UNC5D: variants seen among roughly 807,000 people sequenced by gnomAD.
UNC5D encodes netrin receptor UNC5D.
A neutral mutation model predicts 105.4 loss-of-function variants in UNC5D; 39 were observed. The observed-to-expected ratio is 0.37, with a 90% CI of 0.29 to 0.48. The LOEUF is 0.48. UNC5D is among the 20% of genes least tolerant of loss of function. The pLI is 0.98. For missense variants in UNC5D, 991 were observed against 1,202.4 expected, an observed-to-expected ratio of 0.82 and a Z score of 2.60; for synonymous variants, 452 against 450.4, an observed-to-expected ratio of 1.00 and a Z score of -0.04.
At chr8:35,698,427 G>A (rs1826945765) in intron 7 of UNC5D, among the ~76,000 whole-genome samples, 1 of 151,874 alleles carries the variant, frequency 6.6e-6, no homozygotes, top group African/African-American at 2.4e-5. Flanking sequence ...CTCCATCCCA[G>A]CCTCAGCCCT....
intron 14 of UNC5D, among the ~76,000 whole-genome samples, chr8:35,764,572 G>T (rs1393572233): frequency 6.6e-6 from 1 of 152,192 alleles, no homozygotes; most frequent in Non-Finnish European, 1.5e-5. Context: ...TAGAGAAAAT[G>T]ACTTACTGTA....
At chr8:35,369,063 T>A (rs937761205) in intron 1 of UNC5D, among the ~76,000 whole-genome samples, 2 of 152,252 alleles carry the variant, frequency 1.3e-5, no homozygotes, top group East Asian at 3.8e-4. Flanking sequence ...GACTATATCA[T>A]ATTATATAAC....
intron 1 of UNC5D, among the ~76,000 whole-genome samples, chr8:35,245,811 A>G (rs1220044057): frequency 6.6e-6 from 1 of 152,154 alleles, no homozygotes; most frequent in East Asian, 1.9e-4. Context: ...ATCTGTGTGT[A>G]TTATATATTA....
intron 3 of UNC5D, among the ~76,000 whole-genome samples, chr8:35,573,407 G>T (rs539534693): frequency 2.4e-4 from 37 of 151,974 alleles, no homozygotes; most frequent in Admixed American, 3.9e-4. Flanking sequence ...TCGCGCCTGT[G>T]AATAGCCACT....
At chr8:35,368,903 C>T (rs1216207207) in intron 1 of UNC5D, among the ~76,000 whole-genome samples, 2 of 152,112 alleles carry the variant, frequency 1.3e-5, no homozygotes, top group Non-Finnish European at 2.9e-5. Flanking sequence ...CCTTCACCAG[C>T]CCTGACCATC....
intron 1 of UNC5D, among the ~76,000 whole-genome samples, chr8:35,319,933 C>G (rs1563309901): frequency 6.6e-6 from 1 of 152,082 alleles, no homozygotes; most frequent in Admixed American, 6.6e-5. Context: ...CCTCTTGAAG[C>G]CTCTTGCCAT....
At chr8:35,535,311 C>T (rs764828254) in intron 1 of UNC5D, among the ~76,000 whole-genome samples, 24 of 152,186 alleles carry the variant, frequency 1.6e-4, no homozygotes, top group Non-Finnish European at 2.5e-4. Context: ...TTACAGTGCT[C>T]TTCTCCCCGT....
At chr8:35,443,945 A>G (rs1419367797) in intron 1 of UNC5D, among the ~76,000 whole-genome samples, 2 of 152,022 alleles carry the variant, frequency 1.3e-5, no homozygotes, top group Non-Finnish European at 2.9e-5. Flanking sequence ...TGCTTTTAAT[A>G]TAGAAATTTA....
intron 1 of UNC5D, among the ~76,000 whole-genome samples, chr8:35,245,742 A>G (rs912981231): frequency 3.3e-5 from 5 of 152,170 alleles, no homozygotes; most frequent in Admixed American, 6.5e-5. Context: ...AGCGGAGAAG[A>G]CCATTGTAGA....
chr8:35,386,627 T>TCTC (rs1803416722), intron 1 of UNC5D, among the ~76,000 whole-genome samples: 1 of 152,328 alleles, frequency 6.6e-6, no homozygotes, highest in East Asian at 1.9e-4. Context: ...CTATGAAAAA[T>TCTC]TGTTTGGGTT....
intron 1 of UNC5D, among the ~76,000 whole-genome samples, chr8:35,430,148 T>A (rs949902484): frequency 6.6e-6 from 1 of 152,100 alleles, no homozygotes; most frequent in Non-Finnish European, 1.5e-5. Flanking sequence ...GGATTGGGAC[T>A]TTCAGCCTGC....
rs398007485 is a variant in UNC5D, at chr8:35,528,039, GTT to G, written c.104-21232_104-21231del. Among the ~76,000 whole-genome samples, 669 of 125,128 alleles carry G rather than the reference GTT, an allele frequency of 5.3e-3. 6 individuals carry two copies. The highest frequency in any genetic ancestry group is 0.017 in the African/African-American group (559 of 32,334). 82.1% of individuals were successfully genotyped at this position (125,128 alleles called of 152,430 possible). The stretch of plus-strand genomic sequence containing the variant: ...TTATCATGAATTCTAGAAACAGCTG[GTT>G]TTTTTTTTTTTTTTTTTTTTATACT... On this transcript the variant is annotated intron_variant, in intron 1 of 16. Transcript: ENST00000404895.
chr8:35,369,466 G>A (rs763904560), intron 1 of UNC5D, among the ~76,000 whole-genome samples: 6 of 151,028 alleles, frequency 4.0e-5, no homozygotes, highest in Non-Finnish European at 4.4e-5. Flanking sequence ...AAGAAAGGTT[G>A]GACAAGAGTT....
At chr8:35,687,441 CAAAAAAAA>C (rs34104800) in intron 7 of UNC5D, among the ~76,000 whole-genome samples, 11 of 53,102 alleles carry the variant, frequency 2.1e-4, no homozygotes, top group African/African-American at 6.1e-4. Context: ...GACTCCGTCT[CAAAAAAAA>C]AAAAAAAAAA....
intron 1 of UNC5D, among the ~76,000 whole-genome samples, chr8:35,400,037 C>A (rs1373863741): frequency 6.6e-6 from 1 of 152,066 alleles, no homozygotes; most frequent in Non-Finnish European, 1.5e-5. Flanking sequence ...ATGCCTGGAG[C>A]AATAGCAGGC....
intron 4 of UNC5D, among the ~76,000 whole-genome samples, chr8:35,625,083 T>G (rs139012118): frequency 6.6e-6 from 1 of 152,352 alleles, no homozygotes; most frequent in East Asian, 1.9e-4. Flanking sequence ...TGTTTTCTAA[T>G]ATCACCATTT....
chr8:35,403,599 T>C (rs1804612945), intron 1 of UNC5D, among the ~76,000 whole-genome samples: 1 of 152,184 alleles, frequency 6.6e-6, no homozygotes. Context: ...AACATAAAAA[T>C]CCAAGATCTG....
At chr8:35,425,791 T>C (rs192751530) in intron 1 of UNC5D, among the ~76,000 whole-genome samples, 1 of 152,264 alleles carries the variant, frequency 6.6e-6, no homozygotes, top group Non-Finnish European at 1.5e-5. Flanking sequence ...TAAGTAACAA[T>C]TACCTCTCTT....
intron 8 of UNC5D, among the ~76,000 whole-genome samples, chr8:35,718,592 G>T (rs1158590304): frequency 6.6e-6 from 1 of 152,198 alleles, no homozygotes; most frequent in Non-Finnish European, 1.5e-5. Flanking sequence ...GTTTAAGGCA[G>T]TTAGGGAAAA....
Sources: gnomAD v4.1 joint callset for allele counts (sites outside exome capture counted in the v4.1 genomes callset) on GRCh38, gnomAD v4.1.1 for gene constraint, MANE v1.5 for transcripts, NCBI Gene and HGNC (gene_info 2026-07-23, HGNC 2026-07-21) for gene names.